OR14J1: variants seen among roughly 807,000 people sequenced by gnomAD.
OR14J1 encodes the protein olfactory receptor 14J1.
For missense variants in OR14J1, 378 were observed against 393.4 expected, an observed-to-expected ratio of 0.96 and a Z score of 0.33; for synonymous variants, 140 against 146.7, an observed-to-expected ratio of 0.95 and a Z score of 0.33.
rs766096950 is a variant in OR14J1, at chr6:29,302,365, G to C, written c.-29+578G>C. Among the ~76,000 whole-genome samples the C allele has an allele frequency of 4.4e-4, 66 of 151,724 alleles. 1 individual carries two copies. The highest frequency in any genetic ancestry group is 1.2e-4 in the Non-Finnish European group (8 of 67,932). On this transcript the variant is annotated intron_variant, in intron 1 of 1. Transcript: ENST00000641895. ...GGCTAATTTTTGTATTTTTAGTAGAGATGGGGTTTCGCCATTTTGGCCAGG... is the reference window on the plus strand; with the variant it reads ...GGCTAATTTTTGTATTTTTAGTAGACATGGGGTTTCGCCATTTTGGCCAGG...
chr6:29,302,159 A>ATTTTTTTTTT (rs1271924303), intron 1 of OR14J1, among the ~76,000 whole-genome samples: 8 of 115,518 alleles, frequency 6.9e-5, no homozygotes, highest in Admixed American at 3.0e-4. Flanking sequence ...ATGAGGGGAG[A>ATTTTTTTTTT]TTTTTTTTCT....
chr6:29,301,823 C>T (rs1452437308), intron 1 of OR14J1, 36 bp downstream of exon 1: 1 of 152,030 alleles, frequency 6.6e-6, no homozygotes, highest in Non-Finnish European at 1.5e-5. Context: ...TGGAATTTAT[C>T]CAACATTTAT....
Position 29,307,281 on chromosome 6 carries a change from G to A in OR14J1, c.592G>A (p.Ala198Thr). 6.2e-7 allele frequency: 1 copy of A among 1,612,862 alleles called. No individual in the cohort carries two copies. The highest frequency in any genetic ancestry group is 2.2e-5 in the East Asian group (1 of 44,874). The change falls in exon 2 of 2, where the codon GCT (alanine) becomes ACT (threonine). Residue 198 changes from alanine (A) to threonine (T), a missense_variant. Transcript: ENST00000641895. ...SYEFINEIAL[A>T]AFTTSAAFIC... ...TGAATTCATTAATGAGATTGCACTG[G>A]CTGCATTCACAACGTCTGCAGCATT...
rs911084575 is a variant in OR14J1 at position 29,307,308 on chromosome 6, A to G, written c.619A>G (p.Ile207Val). ...TGCATTCACAACGTCTGCAGCATTTATCTGTTTGATCTCCATTGTGCTCTC... is the reference window on the plus strand; with the variant it reads ...TGCATTCACAACGTCTGCAGCATTTGTCTGTTTGATCTCCATTGTGCTCTC... ...LAAFTTSAAFICLISIVLSYI... is the reference protein window; with the variant it reads ...LAAFTTSAAFVCLISIVLSYI... Residue 207 changes from isoleucine to valine, a missense_variant, in exon 2 of 2, where the codon ATC becomes GTC. Coordinates refer to ENST00000641895, the MANE Select transcript of OR14J1 (RefSeq NM_030946.2). The G allele has an allele frequency of 6.2e-7, 1 of 1,612,924 alleles. No individual in the cohort carries two copies. Among genetic ancestry groups the G allele is most frequent in the African/African-American group, 1.3e-5 (1 of 74,926 alleles).
At chr6:29,302,591 AG>A (rs1261574081) in intron 1 of OR14J1, among the ~76,000 whole-genome samples, 3 of 152,206 alleles carry the variant, frequency 2.0e-5, no homozygotes, top group Non-Finnish European at 2.9e-5. Context: ...TAATTAAGTC[AG>A]TCGCCATTAT....
At chr6:29,304,129 T>C (rs1428935100) in intron 1 of OR14J1, among the ~76,000 whole-genome samples, 2 of 152,134 alleles carry the variant, frequency 1.3e-5, no homozygotes, top group Non-Finnish European at 2.9e-5. Context: ...TGTTTTCTCA[T>C]TGAAGTTATT....
At chr6:29,304,560 C>T (rs754254635) in intron 1 of OR14J1, among the ~76,000 whole-genome samples, 8 of 152,244 alleles carry the variant, frequency 5.3e-5, no homozygotes, top group East Asian at 1.9e-4. Flanking sequence ...TATCTCCACA[C>T]GTATATGATT....
rs961893641 is a variant in OR14J1 at position 29,312,497 on chromosome 6, T to G, written c.*4842T>G. The G allele has an allele frequency of 6.4e-6, 1 of 156,766 alleles. No individual in the cohort carries two copies. Among genetic ancestry groups the G allele is most frequent in the Non-Finnish European group, 1.4e-5 (1 of 71,692 alleles). 9.7% of individuals were successfully genotyped at this position (156,766 alleles called of 1,614,324 possible). A position where few individuals can be genotyped will look rare whatever the true frequency, so the allele number is the denominator to read the frequency against. On this transcript the variant is annotated 3_prime_UTR_variant, in exon 2 of 2. Transcript: ENST00000641895. ...TAGGGGAGGGAGTTGTCTGACCCCT[T>G]GCGCTTCCCGGGTGAGGCGATGCCC...
chr6:29,306,641 T>C, intron 1 of OR14J1, 21 bp from the exon 2 acceptor site: 1 of 1,174,080 alleles, frequency 8.5e-7, no homozygotes, highest in South Asian at 1.3e-5. Context: ...TTCTTCCTAC[T>C]GTCTTTGGCT....
chr6:29,302,003 A>G (rs1774732439), intron 1 of OR14J1, among the ~76,000 whole-genome samples: 1 of 152,148 alleles, frequency 6.6e-6, no homozygotes, highest in South Asian at 2.1e-4. Context: ...AAAAGTTAGT[A>G]TAAATTATAA....
rs1775135880 is a variant in OR14J1, at chr6:29,306,955, A to G, written c.266A>G (p.Tyr89Cys). Reference protein sequence around the residue: ...SIANSLMGNGYISLVQCILQV... With the variant: ...SIANSLMGNGCISLVQCILQV... ...GCAAATTCACTTATGGGCAACGGTT[A>G]CATTTCTCTTGTTCAGTGCATTCTT... The change falls in exon 2 of 2, where the codon TAC becomes TGC. Residue 89 changes from tyrosine to cysteine, a missense_variant. Transcript: ENST00000641895. 1.2e-6 allele frequency: 2 copies of G among 1,612,994 alleles called. No individual in the cohort carries two copies. Among genetic ancestry groups the G allele is most frequent in the African/African-American group, 1.3e-5 (1 of 74,936 alleles).
Position 29,310,376 on chromosome 6 carries a change from T to A in OR14J1, c.*2721T>A, listed in dbSNP as rs1192073494. The A allele has an allele frequency of 6.6e-6, 1 of 152,252 alleles. No homozygotes were observed. Among genetic ancestry groups the A allele is most frequent in the African/African-American group, 2.4e-5 (1 of 41,468 alleles). 9.4% of individuals were successfully genotyped at this position (152,252 alleles called of 1,614,324 possible). On this transcript the variant is annotated 3_prime_UTR_variant, in exon 2 of 2. Coordinates refer to ENST00000641895, the MANE Select transcript of OR14J1 (RefSeq NM_030946.2). ...AGCATTTATTAAATAGGGGATTCTT[T>A]CCCCATTGCTTGTTTTTGTCAAGTT... is the stretch of plus-strand genomic sequence containing the variant.
At chr6:29,305,251 T>G (rs1187956027) in intron 1 of OR14J1, among the ~76,000 whole-genome samples, 1 of 152,058 alleles carries the variant, frequency 6.6e-6, no homozygotes, top group Non-Finnish European at 1.5e-5. Context: ...TACAGCAAAA[T>G]CAAAAAGATC....
intron 1 of OR14J1, among the ~76,000 whole-genome samples, chr6:29,305,835 C>G (rs6911350): frequency 0.11 from 16,124 of 151,758 alleles, 973 homozygotes; most frequent in South Asian, 0.14. Context: ...CATTCAGGAA[C>G]TCACAATGAG....
At chr6:29,303,485 A>T (rs1413664980) in intron 1 of OR14J1, among the ~76,000 whole-genome samples, 1 of 152,154 alleles carries the variant, frequency 6.6e-6, no homozygotes, top group Non-Finnish European at 1.5e-5. Context: ...TTATTTGTGG[A>T]TTTGCTGGAG....
At chr6:29,303,404 A>G (rs1004938254) in intron 1 of OR14J1, among the ~76,000 whole-genome samples, 4 of 152,112 alleles carry the variant, frequency 2.6e-5, no homozygotes, top group East Asian at 1.9e-4. Flanking sequence ...TAATAGTGTC[A>G]TATATTTGAG....
At chr6:29,306,582 C>A in intron 1 of OR14J1, 80 bp from the exon 2 acceptor site, 1 of 702,736 alleles carries the variant, frequency 1.4e-6, no homozygotes, top group Non-Finnish European at 2.5e-6. Flanking sequence ...TACCTCCTTG[C>A]TGAGGAATTG....
At position 29,309,303 on chromosome 6, in the gene OR14J1, T is replaced by C. The variant is rs1280726268; in HGVS notation, c.*1648T>C. On this transcript the variant is annotated 3_prime_UTR_variant, in exon 2 of 2. Transcript: ENST00000641895. ...TATTATTGATGGGCATTTGGGTTGG[T>C]TTCAAGTCTTTGCTATTGTGAACAG... is the stretch of plus-strand genomic sequence containing the variant. 2.0e-5 allele frequency: 3 copies of C among 152,200 alleles called. No homozygotes were observed. The highest frequency in any genetic ancestry group is 6.5e-5 in the Admixed American group (1 of 15,280). 9.4% of individuals were successfully genotyped at this position (152,200 alleles called of 1,614,324 possible). A position where few individuals can be genotyped will look rare whatever the true frequency, so the allele number is the denominator to read the frequency against.
At position 29,306,942 on chromosome 6, in the gene OR14J1, A is replaced by G. The variant is rs1415380327; in HGVS notation, c.253A>G (p.Met85Val). Residue 85 changes from methionine to valine, a missense_variant, in exon 2 of 2, where the codon ATG becomes GTG. Met to Val is a conservative substitution (Grantham distance 21, BLOSUM62 1). Coordinates refer to ENST00000641895, the MANE Select transcript of OR14J1 (RefSeq NM_030946.2). The stretch of plus-strand genomic sequence containing the variant: ...CCCCCAGTCCATTGCAAATTCACTT[A>G]TGGGCAACGGTTACATTTCTCTTGT... ...TVPQSIANSL[M>V]GNGYISLVQC... The G allele has an allele frequency of 6.2e-7, 1 of 1,613,052 alleles. No homozygotes were observed.
Sources: gnomAD v4.1 joint callset for allele counts (sites outside exome capture counted in the v4.1 genomes callset) on GRCh38, gnomAD v4.1.1 for gene constraint, MANE v1.5 for transcripts, NCBI Gene and HGNC (gene_info 2026-07-23, HGNC 2026-07-21) for gene names.